The following FRMPD1 variants were observed in gnomAD, a reference collection of about 807,000 sequenced individuals.
FRMPD1 encodes FERM and PDZ domain-containing protein 1.
FRMPD1 carries 76 observed loss-of-function variants against 117.8 expected under a neutral mutation model. The observed-to-expected ratio is 0.65, with a 90% confidence interval of 0.54 to 0.78. The LOEUF (loss-of-function observed/expected upper bound fraction) is 0.78, where lower values mean the gene tolerates loss of function less well. FRMPD1 is among the 30% of genes least tolerant of loss of function. FRMPD1 has a pLI of 0.00. For synonymous variants in FRMPD1, 783 were observed against 770.4 expected, an observed-to-expected ratio of 1.02 and a Z score of -0.27; for missense variants, 1,786 against 1,964.5, an observed-to-expected ratio of 0.91 and a Z score of 1.72.
chr9:37,696,011 G>A (rs1220724185), intron 2 of FRMPD1, among the ~76,000 whole-genome samples: 2 of 123,712 alleles, frequency 1.6e-5, no homozygotes, highest in African/African-American at 3.2e-5. Flanking sequence ...GCCTCACCTT[G>A]TTCCTCTTCT....
rs1167289308 is a variant in FRMPD1 at position 37,740,385 on chromosome 9, C to T, written c.1857C>T (p.Thr619=). The T allele has an allele frequency of 6.2e-7, 1 of 1,613,936 alleles. No homozygotes were observed. The highest frequency in any genetic ancestry group is 8.5e-7 in the Non-Finnish European group (1 of 1,179,988). ...CTCTGGAAGAGGATGACTTAGACAC[C>T]TGCTCCTCCAGCAGGTCCACCTTCT... ...MDALEEDDLD[T]CSSSRSTFFH... is the part of the protein sequence containing the mutation. The change falls in exon 15 of 16, where the codon ACC becomes ACT. Residue 619 remains threonine (T), a synonymous_variant. Coordinates refer to ENST00000377765, the MANE Select transcript of FRMPD1 (RefSeq NM_014907.3). The surrounding 1 kb of genome is among the most constrained non-coding windows in gnomAD (Gnocchi z 4.2).
At chr9:37,614,753 G>A in the FRMPD1 span, among the ~76,000 whole-genome samples, 5 of 152,238 alleles carry the variant, frequency 3.3e-5, no homozygotes, top group Admixed American at 1.3e-4. Flanking sequence ...TATGACTAGA[G>A]CATTCTAGCC....
At chr9:37,708,713 A>G (rs1417866729) in intron 4 of FRMPD1, among the ~76,000 whole-genome samples, 1 of 152,170 alleles carries the variant, frequency 6.6e-6, no homozygotes, top group Non-Finnish European at 1.5e-5. Context: ...CCTACAAAAG[A>G]GCTTGGGAGG....
intron 1 of FRMPD1, among the ~76,000 whole-genome samples, chr9:37,664,244 G>A (rs1350547783): frequency 6.6e-6 from 1 of 152,020 alleles, no homozygotes; most frequent in East Asian, 1.9e-4. Flanking sequence ...GTGGGGTGGG[G>A]GAGATGCCCT....
In FRMPD1 at chr9:37,731,054, TG is replaced by T; in HGVS notation, c.811del (p.Asp271ThrfsTer3). ...GTCTGTTTTGTTCCCAAGGACCCCCTGGACCTCCTGAAAGAAGACCCCGTGG... is the reference window on the plus strand; with the variant it reads ...GTCTGTTTTGTTCCCAAGGACCCCCTGACCTCCTGAAAGAAGACCCCGTGG... Reference protein sequence around the residue: ...FRVCFVPKDPLDLLKEDPVAF... With the variant: ...FRVCFVPKDPXDLLKEDPVAF... On this transcript the variant is annotated frameshift_variant, in exon 9 of 16. Coordinates refer to ENST00000377765, the MANE Select transcript of FRMPD1 (RefSeq NM_014907.3). LOFTEE classifies it high-confidence loss of function. The T allele has an allele frequency of 6.2e-7, 1 of 1,613,520 alleles. No homozygotes were observed. Among genetic ancestry groups the T allele is most frequent in the Non-Finnish European group, 8.5e-7 (1 of 1,179,426 alleles).
At chr9:37,642,222 C>T in the FRMPD1 span, among the ~76,000 whole-genome samples, 1 of 152,168 alleles carries the variant, frequency 6.6e-6, no homozygotes, top group Non-Finnish European at 1.5e-5. Flanking sequence ...GTTACTTAAC[C>T]ATGTAGAGTC....
At chr9:37,623,302 AG>A in the FRMPD1 span, among the ~76,000 whole-genome samples, 1 of 152,238 alleles carries the variant, frequency 6.6e-6, no homozygotes, top group Non-Finnish European at 1.5e-5. Flanking sequence ...GATATGGAAG[AG>A]GATGGACAAA....
At chr9:37,657,051 T>C (rs1186737464) in intron 1 of FRMPD1, among the ~76,000 whole-genome samples, 1 of 152,236 alleles carries the variant, frequency 6.6e-6, no homozygotes, top group Non-Finnish European at 1.5e-5. Context: ...AAGGGTGATA[T>C]GGCAAAATTT....
intron 10 of FRMPD1, 102 bp downstream of exon 10, chr9:37,732,542 T>C: frequency 8.7e-7 from 1 of 1,145,142 alleles, no homozygotes; most frequent in Non-Finnish European, 1.2e-6. Context: ...CACCTACCCA[T>C]CTGTCTGTTG....
chr9:37,627,524 G>C, the FRMPD1 span, among the ~76,000 whole-genome samples: 3 of 152,200 alleles, frequency 2.0e-5, no homozygotes, highest in Non-Finnish European at 2.9e-5. Context: ...ATCCAGGCTA[G>C]AGTGTAGTGG....
At chr9:37,649,367 C>T (rs115940058), upstream of FRMPD1, among the ~76,000 whole-genome samples, 6,047 of 152,220 alleles carry the variant, frequency 0.04, 421 homozygotes, top group African/African-American at 0.14. Context: ...TCAGAATCTT[C>T]CACCCTTATG....
At chr9:37,616,369 G>A in the FRMPD1 span, among the ~76,000 whole-genome samples, 1 of 151,950 alleles carries the variant, frequency 6.6e-6, no homozygotes, top group South Asian at 2.1e-4. Context: ...CATCCACCTT[G>A]GCCTCCCAAA....
intron 2 of FRMPD1, among the ~76,000 whole-genome samples, chr9:37,701,048 A>T (rs1474540951): frequency 2.0e-5 from 3 of 152,204 alleles, no homozygotes; most frequent in Non-Finnish European, 4.4e-5. Context: ...AAAAGCTAGA[A>T]CATGGCCTTT....
At chr9:37,661,902 C>T (rs1821012818) in intron 1 of FRMPD1, 1 of 152,788 alleles carries the variant, frequency 6.5e-6, no homozygotes, top group East Asian at 1.9e-4. Context: ...GGATGGCTGT[C>T]CTCTTTGACC....
intron 1 of FRMPD1, among the ~76,000 whole-genome samples, chr9:37,665,382 C>T (rs1392267408): frequency 3.3e-5 from 5 of 152,136 alleles, no homozygotes; most frequent in Admixed American, 2.0e-4. Flanking sequence ...TTTTGGAGAG[C>T]GTTGTTTGAG....
the FRMPD1 span, among the ~76,000 whole-genome samples, chr9:37,616,778 A>G: frequency 3.5e-4 from 53 of 152,288 alleles, no homozygotes; most frequent in African/African-American, 1.2e-3. Context: ...AGATAGAACA[A>G]CAGGATTAGA....
intron 5 of FRMPD1, among the ~76,000 whole-genome samples, chr9:37,717,389 T>A (rs1296426550): frequency 1.4e-4 from 19 of 131,232 alleles, no homozygotes; most frequent in African/African-American, 5.7e-4. Context: ...ATATTTTTTT[T>A]TTTTTTTTGA....
At chr9:37,719,766 C>G (rs1469330870) in intron 6 of FRMPD1, among the ~76,000 whole-genome samples, 2 of 152,138 alleles carry the variant, frequency 1.3e-5, no homozygotes, top group East Asian at 1.9e-4. Flanking sequence ...TGGTTTTTCA[C>G]TATGACGTGC....
the FRMPD1 span, chr9:37,636,751 G>A: frequency 3.1e-6 from 5 of 1,593,450 alleles, no homozygotes; most frequent in East Asian, 2.2e-5. Flanking sequence ...TGGGCCGCTC[G>A]CCCCCGGAGG....
Sources: allele counts gnomAD v4.1 joint callset (sites outside exome capture counted in the v4.1 genomes callset), GRCh38; gene constraint gnomAD v4.1.1; non-coding constraint Gnocchi (gnomAD v3.1); transcripts MANE v1.5; gene names NCBI Gene and HGNC (gene_info 2026-07-23, HGNC 2026-07-21).